CHD7: variants seen among roughly 807,000 people sequenced by gnomAD.
The protein encoded by CHD7 is chromodomain helicase DNA binding protein 7, also known as ATP-dependent chromatin remodeler CHD7.
CHD7 carries 24 observed loss-of-function variants against 307.3 expected under a neutral mutation model. The ratio of observed to expected loss-of-function variants is 0.08; its 90% CI spans 0.06 to 0.11. CHD7 has a LOEUF of 0.11. Ranked by LOEUF, CHD7 falls within the 10% of genes least tolerant of loss-of-function variation. CHD7 has a pLI of 1.00. For synonymous variants in CHD7, 1,363 were observed against 1,349.9 expected (o/e 1.01, Z -0.21); for missense variants, 3,106 against 3,727.1 (o/e 0.83, Z 4.34).
intron 6 of CHD7, among the ~76,000 whole-genome samples, chr8:60,803,220 T>G (rs1812392051): frequency 6.6e-6 from 1 of 152,346 alleles, no homozygotes; most frequent in South Asian, 2.1e-4. Context: ...AGTGACTTGT[T>G]TGAGTAAATA....
chr8:60,865,844 T>G lies in CHD7; in HGVS notation c.8905T>G (p.Ser2969Ala). The G allele has an allele frequency of 6.2e-7, 1 of 1,613,356 alleles. No individual in the cohort carries two copies. Among genetic ancestry groups the G allele is most frequent in the Non-Finnish European group, 8.5e-7 (1 of 1,179,618 alleles). ...GAGCCTGGATAAGACTGCAGAGTCC[T>G]CCCTCTTAGAAGACGAAATAGCACA... The part of the protein sequence containing the change: ...EESLDKTAES[S>A]LLEDEIAQGE... The change falls in exon 38 of 38, where the codon TCC becomes GCC. Residue 2969 changes from serine to alanine, a missense_variant. By Grantham distance (99) the Ser-to-Ala change is moderately conservative. Coordinates refer to ENST00000423902, the MANE Select transcript of CHD7 (RefSeq NM_017780.4). The surrounding 1 kb of genome is among the most constrained non-coding windows in gnomAD (Gnocchi z 4.3).
chr8:60,753,601 A>C (rs938701404), intron 2 of CHD7, among the ~76,000 whole-genome samples: 14 of 151,864 alleles, frequency 9.2e-5, no homozygotes, highest in African/African-American at 3.4e-4. Flanking sequence ...TAATAAGATC[A>C]GTTTTTTGTT....
intron 8 of CHD7, among the ~76,000 whole-genome samples, chr8:60,817,555 C>T (rs1803808715): frequency 6.6e-6 from 1 of 152,136 alleles, no homozygotes; most frequent in Admixed American, 6.5e-5. Flanking sequence ...TGCATCACTA[C>T]CCCTGGCACT....
At chr8:60,725,338 A>G (rs1251768922) in intron 1 of CHD7, among the ~76,000 whole-genome samples, 1 of 152,256 alleles carries the variant, frequency 6.6e-6, no homozygotes, top group Admixed American at 6.5e-5. Context: ...TTTCTTCATG[A>G]GAGATCTCTT....
intron 1 of CHD7, among the ~76,000 whole-genome samples, chr8:60,727,678 A>T (rs1808237963): frequency 6.6e-6 from 1 of 152,076 alleles, no homozygotes; most frequent in African/African-American, 2.4e-5. Flanking sequence ...CATTCTAAAT[A>T]TGCTTTTGGG....
At chr8:60,777,180 A>T (rs929875525) in intron 2 of CHD7, among the ~76,000 whole-genome samples, 2 of 152,158 alleles carry the variant, frequency 1.3e-5, no homozygotes, top group Non-Finnish European at 2.9e-5. Context: ...TTCTTTTCCT[A>T]TAAAGCATTG....
At chr8:60,863,687 ATTATG>A (rs1418826923) in intron 37 of CHD7, 3 of 150,564 alleles carry the variant, frequency 2.0e-5, no homozygotes, top group Non-Finnish European at 4.4e-5. Flanking sequence ...CTGGGTTTAT[ATTATG>A]TTATACTATT....
At chr8:60,708,990 C>T (rs1273691573) in intron 1 of CHD7, among the ~76,000 whole-genome samples, 3 of 152,154 alleles carry the variant, frequency 2.0e-5, no homozygotes, top group African/African-American at 7.2e-5. Flanking sequence ...GCTGGCCCTT[C>T]CTTTCCTGGG....
intron 4 of CHD7, 108 bp from the exon 5 acceptor site, chr8:60,800,280 C>T: frequency 9.4e-7 from 1 of 1,068,322 alleles, no homozygotes; most frequent in Non-Finnish European, 1.3e-6. Flanking sequence ...GATCCGCCCG[C>T]CTCGGCCTCC....
intron 2 of CHD7, among the ~76,000 whole-genome samples, chr8:60,760,282 C>G (rs1586281309): frequency 6.6e-6 from 1 of 151,762 alleles, no homozygotes. Context: ...GGAAAACTGG[C>G]TAGCCATATG....
At chr8:60,864,296 A>T (rs1283963127) in intron 37 of CHD7, 12 of 149,816 alleles carry the variant, frequency 8.0e-5, no homozygotes, top group Non-Finnish European at 3.0e-5. Context: ...TTTTTTTTTT[A>T]TTTTGTAGAG....
Position 60,742,946 on chromosome 8 carries a change from A to G in CHD7, c.1514A>G (p.Gln505Arg), listed in dbSNP as rs1001211309. 1 of 1,613,530 alleles carries G rather than the reference A, an allele frequency of 6.2e-7. No individual in the cohort carries two copies. Among genetic ancestry groups the G allele is most frequent in the Non-Finnish European group, 8.5e-7 (1 of 1,179,678 alleles). Residue 505 changes from glutamine to arginine, a missense_variant, in exon 2 of 38, where the codon CAG (glutamine) becomes CGG (arginine). Gln to Arg is a conservative substitution (Grantham distance 43). Around this residue, in one of 10 missense-constraint regions of CHD7, gnomAD observed 998 missense variants for 1,004.5 expected, o/e 0.99. Transcript: ENST00000423902. Reference protein sequence around the residue: ...LIPGQQHPGQQPSFQQLPTCP... With the variant: ...LIPGQQHPGQRPSFQQLPTCP... ...CCTGGCCAACAACATCCTGGTCAAC[A>G]GCCATCTTTTCAGCAGTTGCCAACC...
chr8:60,836,757 AAGG>A (rs1804760514), intron 16 of CHD7, 57 bp from the exon 17 acceptor site: 1 of 1,232,192 alleles, frequency 8.1e-7, no homozygotes, highest in Non-Finnish European at 1.2e-6. Flanking sequence ...AAATTAAAAA[AAGG>A]AGCAAGTATG....
intron 1 of CHD7, among the ~76,000 whole-genome samples, chr8:60,689,414 T>C (rs1378346208): frequency 1.3e-5 from 2 of 152,238 alleles, no homozygotes; most frequent in African/African-American, 4.8e-5. Flanking sequence ...GTCAAAATGC[T>C]GAGGTAGGAA....
chr8:60,776,072 C>G (rs1810937617), intron 2 of CHD7, among the ~76,000 whole-genome samples: 1 of 152,174 alleles, frequency 6.6e-6, no homozygotes. Flanking sequence ...TCACAGAATT[C>G]TTTAAACTCA....
intron 1 of CHD7, among the ~76,000 whole-genome samples, chr8:60,686,523 GC>G (rs1240154275): frequency 6.6e-6 from 1 of 152,180 alleles, no homozygotes; most frequent in African/African-American, 2.4e-5. Flanking sequence ...CTTCTTTGGG[GC>G]CTGCCTTCTC....
intron 25 of CHD7, among the ~76,000 whole-genome samples, chr8:60,850,128 G>GT (rs1436816354): frequency 6.6e-6 from 1 of 152,184 alleles, no homozygotes; most frequent in African/African-American, 2.4e-5. Context: ...GGTGGACTCA[G>GT]TGCACCCCTG....
chr8:60,828,332 A>G lies in CHD7; in HGVS notation c.3379-331A>G, dbSNP rs995125171. On this transcript the variant is annotated intron_variant, in intron 13 of 37. Transcript: ENST00000423902. ...TGTTTCATCTGCGTCTAGGGATTCT[A>G]GGAAAAAAACTTAACTGGTGGGGAT... Among the ~76,000 whole-genome samples, 4 of 152,340 alleles carry G rather than the reference A, an allele frequency of 2.6e-5. No individual in the cohort carries two copies. In the East Asian group the frequency reaches 7.7e-4, roughly 29 times the overall value.
In CHD7 at chr8:60,708,439, A is replaced by G. The variant is rs1471964479; in HGVS notation, c.-175+29357A>G. Among the ~76,000 whole-genome samples the G allele has an allele frequency of 2.0e-5, 3 of 152,320 alleles. No homozygotes were observed. The South Asian group carries it at 6.2e-4, about 32-fold the overall frequency. ...ACTGCCTTCTCTTCTGGACTCCTGC[A>G]GAGACTTCTCAGTCTCTCTGGTGCC... On this transcript the variant is annotated intron_variant, in intron 1 of 37. Coordinates refer to ENST00000423902, the MANE Select transcript of CHD7 (RefSeq NM_017780.4).
Sources: allele counts gnomAD v4.1 joint callset (sites outside exome capture counted in the v4.1 genomes callset), GRCh38; gene constraint gnomAD v4.1.1; regional missense constraint gnomAD v4.1.1; non-coding constraint Gnocchi (gnomAD v3.1); transcripts MANE v1.5; gene names NCBI Gene and HGNC (gene_info 2026-07-23, HGNC 2026-07-21).